BPNT1: variants seen among roughly 807,000 people sequenced by gnomAD.
The protein encoded by BPNT1 is 3'(2'), 5'-bisphosphate nucleotidase 1, also known as 3'(2'),5'-bisphosphate nucleotidase 1.
Under a neutral mutation model 36.9 loss-of-function variants are expected in BPNT1, and 28 were observed. The ratio of observed to expected loss-of-function variants is 0.76; its 90% CI spans 0.56 to 1.04. The LOEUF is 1.04. Ranked by LOEUF, BPNT1 falls within the 50% of genes least tolerant of loss-of-function variation. The pLI is 0.00. For missense variants in BPNT1, 313 were observed against 372.9 expected (o/e 0.84, Z 1.32); for synonymous variants, 119 against 130.9 (o/e 0.91, Z 0.62).
intron 7 of BPNT1, 64 bp from the exon 8 acceptor site, chr1:220,059,855 G>T: frequency 7.8e-7 from 1 of 1,279,156 alleles, no homozygotes; most frequent in Non-Finnish European, 1.1e-6. Flanking sequence ...GTCATGAAAA[G>T]ATTGAGGTAC....
chr1:220,075,709 T>C (rs898799362), intron 2 of BPNT1, among the ~76,000 whole-genome samples: 3 of 152,232 alleles, frequency 2.0e-5, no homozygotes, highest in Admixed American at 6.5e-5. Context: ...TCTATCAACA[T>C]AGTTCCAGAC....
At chr1:220,084,790 A>G (rs1655557394) in intron 1 of BPNT1, among the ~76,000 whole-genome samples, 1 of 152,240 alleles carries the variant, frequency 6.6e-6, no homozygotes, top group South Asian at 2.1e-4. Context: ...TTTATTAACC[A>G]CCAGTTAAAG....
At chr1:220,075,278 A>G (rs1280949046) in intron 2 of BPNT1, among the ~76,000 whole-genome samples, 1 of 152,068 alleles carries the variant, frequency 6.6e-6, no homozygotes. Flanking sequence ...TCCTGACCTC[A>G]TGATCCGCCC....
intron 5 of BPNT1, among the ~76,000 whole-genome samples, chr1:220,068,414 C>A (rs1023249681): frequency 1.3e-5 from 2 of 151,288 alleles, no homozygotes; most frequent in African/African-American, 2.4e-5. Flanking sequence ...GAACTTCCGA[C>A]CTAATTATCT....
At chr1:220,074,503 G>GT (rs369572621) in intron 2 of BPNT1, among the ~76,000 whole-genome samples, 19,385 of 146,784 alleles carry the variant, frequency 0.13, 1,647 homozygotes, top group Non-Finnish European at 0.2. Context: ...AATCCTATTT[G>GT]TTTTTTTTTT....
chr1:220,079,877 G>A, intron 1 of BPNT1, 23 bp from the exon 2 acceptor site: 1 of 1,599,626 alleles, frequency 6.3e-7, no homozygotes, highest in South Asian at 1.1e-5. Context: ...CAAGAAAAAT[G>A]TCTTGTTAGT....
intron 1 of BPNT1, among the ~76,000 whole-genome samples, chr1:220,089,329 A>AATCCAAAT (rs1317205189): frequency 1.3e-5 from 2 of 152,140 alleles, no homozygotes; most frequent in Non-Finnish European, 2.9e-5. Flanking sequence ...TTTACAGAGA[A>AATCCAAAT]ATCCAAATAA....
chr1:220,069,354 G>A (rs752777607), intron 5 of BPNT1, 30 bp downstream of exon 5: 8 of 1,543,552 alleles, frequency 5.2e-6, no homozygotes, highest in Non-Finnish European at 7.1e-6. Flanking sequence ...TCCCACTACT[G>A]TCAAATATGA....
chr1:220,064,279 C>T (rs574566495), intron 6 of BPNT1, among the ~76,000 whole-genome samples: 5 of 152,304 alleles, frequency 3.3e-5, no homozygotes, highest in Admixed American at 6.5e-5. Context: ...TTTTCACACA[C>T]ATCATCTTAT....
Position 220,074,076 on chromosome 1 carries a change from A to G in BPNT1, c.121-5T>C. On this transcript the variant is annotated splice_polypyrimidine_tract_variant and splice_region_variant and intron_variant, in intron 2 of 8. Transcript: ENST00000322067. ...CTGCAGGTCTGTTGCACAGGTCTGT[A>G]ATAAAGAATGCAAATTTTAGCAGAG... 2 of 1,609,112 alleles carry G rather than the reference A, an allele frequency of 1.2e-6. No individual in the cohort carries two copies. Among genetic ancestry groups the G allele is most frequent in the African/African-American group, 2.7e-5 (2 of 74,804 alleles).
intron 1 of BPNT1, 72 bp from the exon 2 acceptor site, chr1:220,079,926 C>T: frequency 6.8e-7 from 1 of 1,461,360 alleles, no homozygotes; most frequent in Non-Finnish European, 9.3e-7. Flanking sequence ...TTAAATCCAA[C>T]TCAACACATA....
chr1:220,080,290 G>T (rs193084094), intron 1 of BPNT1, among the ~76,000 whole-genome samples: 15 of 152,288 alleles, frequency 9.8e-5, no homozygotes, highest in Non-Finnish European at 2.1e-4. Flanking sequence ...ACTAGGCAGC[G>T]CCAAAAGAGG....
At chr1:220,070,554 C>T (rs1460516279) in intron 4 of BPNT1, among the ~76,000 whole-genome samples, 7 of 151,902 alleles carry the variant, frequency 4.6e-5, no homozygotes, top group East Asian at 1.9e-4. Flanking sequence ...ACCGTGTTAG[C>T]GGATTCAGGC....
Position 220,057,831 on chromosome 1 carries a change from A to C in BPNT1, c.*1013T>G. The C allele has an allele frequency of 7.8e-7, 1 of 1,285,632 alleles. No homozygotes were observed. The highest frequency in any genetic ancestry group is 1.0e-6 in the Non-Finnish European group (1 of 976,234). The allele number at this position is 1,285,632 out of a possible 1,614,324, so 79.6% of individuals were successfully genotyped here. Reference sequence around the variant, plus strand: ...TCTTAATTGGAGTAGAAACGTTTTTAAAATTACTGTGAAAAACAAGAGTGA... The same window carrying C: ...TCTTAATTGGAGTAGAAACGTTTTTCAAATTACTGTGAAAAACAAGAGTGA... On this transcript the variant is annotated 3_prime_UTR_variant, in exon 9 of 9. Coordinates refer to ENST00000322067, the MANE Select transcript of BPNT1 (RefSeq NM_006085.6).
intron 1 of BPNT1, among the ~76,000 whole-genome samples, chr1:220,083,875 T>C (rs1237944834): frequency 6.6e-6 from 1 of 152,084 alleles, no homozygotes; most frequent in Non-Finnish European, 1.5e-5. Flanking sequence ...TTCTCAGGGG[T>C]TCCTGGAATC....
At chr1:220,065,583 G>C (rs547225634) in intron 6 of BPNT1, among the ~76,000 whole-genome samples, 4 of 152,302 alleles carry the variant, frequency 2.6e-5, no homozygotes, top group African/African-American at 9.6e-5. Context: ...GCAAGGTTTG[G>C]ATTTGAGTTT....
chr1:220,058,702 G>C lies in BPNT1; in HGVS notation c.*142C>G. The C allele has an allele frequency of 1.1e-6, 1 of 869,926 alleles. No individual in the cohort carries two copies. The highest frequency in any genetic ancestry group is 1.7e-6 in the Non-Finnish European group (1 of 585,558). The allele number at this position is 869,926 out of a possible 1,614,324, so 53.9% of individuals were successfully genotyped here. On this transcript the variant is annotated 3_prime_UTR_variant, in exon 9 of 9. Transcript: ENST00000322067. ...GCATGACAGGATGCCCAGTTAATTTGTATTTTTGTAGAGATGGGGTCTCAC... is the reference window on the plus strand; with the variant it reads ...GCATGACAGGATGCCCAGTTAATTTCTATTTTTGTAGAGATGGGGTCTCAC...
rs1571767016 is a variant in BPNT1, at chr1:220,072,952, C to T, written c.231G>A (p.Leu77=). 3 of 1,613,658 alleles carry T rather than the reference C, an allele frequency of 1.9e-6. No homozygotes were observed. Among genetic ancestry groups the T allele is most frequent in the Non-Finnish European group, 2.5e-6 (3 of 1,179,662 alleles). ...GCTCTTGATCCACTTCCTCAGAAGG[C>T]AGATCCTAAAGCAGAGATAACCCTA... is the stretch of plus-strand genomic sequence containing the variant. ...PKLTIIGEED[L]PSEEVDQELI... Residue 77 remains leucine (L), a synonymous_variant, in exon 4 of 9, where the codon CTG becomes CTA. Transcript: ENST00000322067.
At chr1:220,082,574 C>T (rs1655282870) in intron 1 of BPNT1, among the ~76,000 whole-genome samples, 1 of 151,000 alleles carries the variant, frequency 6.6e-6, no homozygotes, top group South Asian at 2.1e-4. Flanking sequence ...ATGTTTTAAC[C>T]CCTTTAACAT....
Sources: allele counts gnomAD v4.1 joint callset (sites outside exome capture counted in the v4.1 genomes callset), GRCh38; gene constraint gnomAD v4.1.1; transcripts MANE v1.5; gene names NCBI Gene and HGNC (gene_info 2026-07-23, HGNC 2026-07-21).